PRIM2: variants seen among roughly 807,000 people sequenced by gnomAD.
PRIM2 encodes the protein DNA primase large subunit.
In PRIM2, 39 loss-of-function variants were observed where a neutral mutation model predicts 67.3. That is an observed-to-expected ratio of 0.58 (90% CI 0.45 to 0.76). The LOEUF is 0.76. PRIM2 is among the 30% of genes least tolerant of loss of function. PRIM2 has a pLI of 0.00. For missense variants in PRIM2, 398 were observed against 598.7 expected, an observed-to-expected ratio of 0.66 and a Z score of 3.50; for synonymous variants, 143 against 198.7, an observed-to-expected ratio of 0.72 and a Z score of 2.36.
rs548490405 is a variant in PRIM2, at chr6:57,354,029, A to AT, written c.460-25865dup. Among the ~76,000 whole-genome samples the AT allele has an allele frequency of 1.5e-3, 233 of 152,232 alleles. 2 individuals are homozygous for AT. Among genetic ancestry groups the AT allele is most frequent in the Non-Finnish European group, 2.3e-3 (154 of 67,986 alleles). ...GGTGTGTTGTAATGGCAGCTTTGCT[A>AT]TTTTTTTGTACTCTTTCTCTTTCTT... is the stretch of plus-strand genomic sequence containing the variant. On this transcript the variant is annotated intron_variant, in intron 5 of 13. Coordinates refer to ENST00000615550, the MANE Select transcript of PRIM2 (RefSeq NM_000947.5).
chr6:57,257,172 G>A, the PRIM2 span, among the ~76,000 whole-genome samples: 1 of 151,850 alleles, frequency 6.6e-6, no homozygotes, highest in African/African-American at 2.4e-5. Flanking sequence ...AGTTGAAGCA[G>A]GACACTGAAA....
chr6:57,334,775 C>T (rs545414084), intron 5 of PRIM2, among the ~76,000 whole-genome samples: 7 of 152,152 alleles, frequency 4.6e-5, no homozygotes, highest in African/African-American at 9.6e-5. Flanking sequence ...AGTAATATTA[C>T]GGAGGATACA....
At chr6:57,223,386 G>T in the PRIM2 span, among the ~76,000 whole-genome samples, 1 of 152,132 alleles carries the variant, frequency 6.6e-6, no homozygotes, top group East Asian at 1.9e-4. Flanking sequence ...CGTTGATTTT[G>T]GCGCTAGTTA....
At chr6:57,608,003 A>AT (rs1174296652) in intron 12 of PRIM2, among the ~76,000 whole-genome samples, 145 of 145,364 alleles carry the variant, frequency 1.0e-3, no homozygotes, top group African/African-American at 2.3e-3. Context: ...GACTCTTAAG[A>AT]TTTTTTTTTT....
the PRIM2 span, among the ~76,000 whole-genome samples, chr6:57,268,836 A>G: frequency 7.8e-6 from 1 of 128,838 alleles, no homozygotes; most frequent in Non-Finnish European, 1.5e-5. Context: ...TGCTGTGTCC[A>G]TGTGTTCTCA....
intron 6 of PRIM2, 169 bp from the exon 7 acceptor site, chr6:57,381,862 C>T (rs549554656): frequency 1.0e-4 from 33 of 326,100 alleles, no homozygotes; most frequent in Non-Finnish European, 1.4e-4. Flanking sequence ...TGTACTGCCA[C>T]TGTTTGCTAA....
intron 7 of PRIM2, among the ~76,000 whole-genome samples, chr6:57,433,714 TCAAAA>T (rs987878360): frequency 1.3e-5 from 2 of 152,186 alleles, no homozygotes; most frequent in African/African-American, 4.8e-5. Flanking sequence ...TTCAAGACAC[TCAAAA>T]CAGACATTTA....
the PRIM2 span, among the ~76,000 whole-genome samples, chr6:57,293,471 C>A: frequency 6.6e-6 from 1 of 152,110 alleles, no homozygotes; most frequent in African/African-American, 2.4e-5. Context: ...TTTGACCCAG[C>A]CATCCCATTA....
chr6:57,331,587 CTATTTAAGTT>C (rs1768060069), intron 5 of PRIM2, among the ~76,000 whole-genome samples: 2 of 152,048 alleles, frequency 1.3e-5, no homozygotes, highest in Middle Eastern at 3.2e-3. Flanking sequence ...TATTATGAAT[CTATTTAAGTT>C]TTATATTACT....
chr6:57,349,325 G>A (rs940222561), intron 5 of PRIM2, among the ~76,000 whole-genome samples: 2 of 150,932 alleles, frequency 1.3e-5, no homozygotes, highest in African/African-American at 2.4e-5. Context: ...TGCACACACC[G>A]TGTCAGTTTG....
At chr6:57,361,188 AG>A (rs1769188301) in intron 5 of PRIM2, among the ~76,000 whole-genome samples, 1 of 152,182 alleles carries the variant, frequency 6.6e-6, no homozygotes, top group Non-Finnish European at 1.5e-5. Context: ...GATGGGGTGC[AG>A]AAGAATGGCC....
intron 5 of PRIM2, among the ~76,000 whole-genome samples, chr6:57,374,209 A>G (rs1290002170): frequency 1.3e-5 from 2 of 149,384 alleles, no homozygotes; most frequent in Non-Finnish European, 3.0e-5. Flanking sequence ...TTTTGTGGCA[A>G]TTGTAAATGG....
At chr6:57,370,846 G>C (rs1474734139) in intron 5 of PRIM2, among the ~76,000 whole-genome samples, 2 of 151,748 alleles carry the variant, frequency 1.3e-5, no homozygotes, top group African/African-American at 2.4e-5. Flanking sequence ...TTACAGCGTG[G>C]GCCACCATGC....
chr6:57,454,395 C>T (rs1314993880), intron 7 of PRIM2, among the ~76,000 whole-genome samples: 4,953 of 152,178 alleles, frequency 0.033, 268 homozygotes, highest in African/African-American at 0.11. Context: ...TGGTAGAATT[C>T]GGCTGTGAAT....
At chr6:57,567,398 C>G (rs1156633302) in intron 10 of PRIM2, among the ~76,000 whole-genome samples, 7 of 152,040 alleles carry the variant, frequency 4.6e-5, no homozygotes, top group African/African-American at 1.4e-4. Context: ...GATTAGTTTG[C>G]CCAACTGTAG....
Position 57,459,970 on chromosome 6 carries a change from G to A in PRIM2, c.694-47417G>A, listed in dbSNP as rs1457802017. Among the ~76,000 whole-genome samples, 16 of 152,208 alleles carry A rather than the reference G, an allele frequency of 1.1e-4. No homozygotes were observed. In the East Asian group the frequency reaches 2.5e-3, roughly 24 times the overall value. ...GCCTGCAGCAGAAGAGGGTGTGAGG[G>A]GCACAGAGCCCCCTCCTGGTCATGA... On this transcript the variant is annotated intron_variant, in intron 7 of 13. Transcript: ENST00000615550.
intron 12 of PRIM2, among the ~76,000 whole-genome samples, chr6:57,616,241 C>T (rs1776754776): frequency 6.6e-6 from 1 of 152,208 alleles, no homozygotes; most frequent in Non-Finnish European, 1.5e-5. Flanking sequence ...AGGCTTTACA[C>T]AAATAAACTG....
chr6:57,618,554 C>T (rs1483392903), intron 12 of PRIM2, among the ~76,000 whole-genome samples: 11 of 152,158 alleles, frequency 7.2e-5, no homozygotes, highest in African/African-American at 2.7e-4. Flanking sequence ...AGCCTGCCTT[C>T]CACCTGGAAA....
At chr6:57,432,082 C>G (rs552357670) in intron 7 of PRIM2, among the ~76,000 whole-genome samples, 1 of 152,018 alleles carries the variant, frequency 6.6e-6, no homozygotes, top group Non-Finnish European at 1.5e-5. Flanking sequence ...ACCAATTTAG[C>G]CTTTTTACAT....
Sources: gnomAD v4.1 joint callset for allele counts (sites outside exome capture counted in the v4.1 genomes callset) on GRCh38, gnomAD v4.1.1 for gene constraint, MANE v1.5 for transcripts, NCBI Gene and HGNC (gene_info 2026-07-23, HGNC 2026-07-21) for gene names.